The following DCHS2 variants were observed in gnomAD, a reference collection of about 807,000 sequenced individuals.
The protein encoded by DCHS2 is protocadherin-23.
A neutral mutation model predicts 182.4 loss-of-function variants in DCHS2; 142 were observed. That is an observed-to-expected ratio of 0.78 (90% CI 0.68 to 0.89). DCHS2 has a LOEUF of 0.89. Ranked by LOEUF, DCHS2 falls within the 40% of genes least tolerant of loss-of-function variation. The pLI, the probability that DCHS2 is intolerant of heterozygous loss-of-function variation, is 0.00. For synonymous variants in DCHS2, 1,740 were observed against 1,663.3 expected (o/e 1.05, Z -1.12); for missense variants, 4,319 against 4,198.6 (o/e 1.03, Z -0.79).
chr4:154,298,647 A>G lies in DCHS2; in HGVS notation c.5667T>C (p.Arg1889=), dbSNP rs771229590. 2 of 1,613,598 alleles carry G rather than the reference A, an allele frequency of 1.2e-6. No individual in the cohort carries two copies. Among genetic ancestry groups the G allele is most frequent in the East Asian group, 2.2e-5 (1 of 44,884 alleles). Residue 1889 remains arginine (R), a synonymous_variant, in exon 13 of 20, where the codon CGT becomes CGC. Coordinates refer to ENST00000357232, the MANE Select transcript of DCHS2 (RefSeq NM_001358235.2). ...TGCTGATTTGCTCCCGGTCCAAAGC[A>G]CGAGTGGTTGAGAGTTCTCCTGACA... The part of the protein sequence containing the change: ...NEMSGELSTT[R]ALDREQISNF...
chr4:154,401,907 T>A (rs1732199758), intron 1 of DCHS2, among the ~76,000 whole-genome samples: 1 of 152,168 alleles, frequency 6.6e-6, no homozygotes. Flanking sequence ...GGCAAGAGAA[T>A]CGCTTGAACC....
intron 3 of DCHS2, among the ~76,000 whole-genome samples, chr4:154,359,013 C>T (rs183721294): frequency 6.6e-6 from 1 of 151,698 alleles, no homozygotes; most frequent in African/African-American, 2.4e-5. Context: ...ATATATTGGT[C>T]AGAGTAAAAT....
Position 154,236,223 on chromosome 4 carries a change from G to A in DCHS2, c.8429C>T (p.Ser2810Leu). Residue 2810 changes from serine to leucine, a missense_variant, in exon 20 of 20, where the codon TCA becomes TTA. Coordinates refer to ENST00000357232, the MANE Select transcript of DCHS2 (RefSeq NM_001358235.2). ...CATTCCATGAGTGAGAAAACAGGGT[G>A]ATACAATAGAATAGGTCAATTCTCC... ...PYGELTYSIVSPCFLTHGMSY... is the reference protein window; with the variant it reads ...PYGELTYSIVLPCFLTHGMSY... 1 of 1,613,944 alleles carries A rather than the reference G, an allele frequency of 6.2e-7. No individual in the cohort carries two copies. Among genetic ancestry groups the A allele is most frequent in the Non-Finnish European group, 8.5e-7 (1 of 1,179,940 alleles).
intron 7 of DCHS2, chr4:154,323,401 C>G: frequency 1.3e-6 from 2 of 1,530,916 alleles, no homozygotes; most frequent in Non-Finnish European, 1.8e-6. Context: ...GCCATGATAG[C>G]TCACTGCAGC....
chr4:154,337,677 C>T (rs1427391696), intron 3 of DCHS2, among the ~76,000 whole-genome samples: 9 of 152,062 alleles, frequency 5.9e-5, no homozygotes, highest in Non-Finnish European at 1.2e-4. Context: ...ATTGCTGCGT[C>T]CTCTTCCCAG....
rs1299156184 is a variant in DCHS2 at position 154,264,783 on chromosome 4, GA to G, written c.6578-5028del. 2.0e-5 allele frequency among the ~76,000 whole-genome samples: 3 copies of G among 151,976 alleles called. No individual in the cohort carries two copies. In the East Asian group the frequency reaches 5.8e-4, roughly 29 times the overall value. ...CTCACTAAAGGAGATAGTTCAAGCAGAAAAAAATAATACTAGAAGAAAGGCT... is the reference window on the plus strand; with the variant it reads ...CTCACTAAAGGAGATAGTTCAAGCAGAAAAAATAATACTAGAAGAAAGGCT... On this transcript the variant is annotated intron_variant, in intron 14 of 19. Transcript: ENST00000357232.
At chr4:154,340,077 G>C (rs1004881404) in intron 3 of DCHS2, among the ~76,000 whole-genome samples, 1 of 151,776 alleles carries the variant, frequency 6.6e-6, no homozygotes, top group African/African-American at 2.4e-5. Flanking sequence ...AGATATGTTT[G>C]GTTATTATTT....
At chr4:154,414,051 A>G (rs2110897580) in intron 1 of DCHS2, among the ~76,000 whole-genome samples, 1 of 152,246 alleles carries the variant, frequency 6.6e-6, no homozygotes, top group East Asian at 1.9e-4. Context: ...CTACAAAAAA[A>G]TAACAATAAA....
chr4:154,335,688 C>CACAT, intron 3 of DCHS2, among the ~76,000 whole-genome samples: 1 of 152,192 alleles, frequency 6.6e-6, no homozygotes, highest in South Asian at 2.1e-4. Flanking sequence ...CACACACACA[C>CACAT]ACATACATCC....
chr4:154,384,351 C>T, intron 1 of DCHS2: 1 of 1,610,722 alleles, frequency 6.2e-7, no homozygotes, highest in South Asian at 1.1e-5. Flanking sequence ...CCTCATGCAC[C>T]ACCTGACTGA....
chr4:154,240,453 A>G (rs1731756016), intron 18 of DCHS2, 84 bp downstream of exon 18: 1 of 1,476,454 alleles, frequency 6.8e-7, no homozygotes, highest in Non-Finnish European at 9.1e-7. Context: ...TATCTGAATT[A>G]GTCTATCGGC....
At chr4:154,346,140 T>A (rs2130713) in intron 3 of DCHS2, among the ~76,000 whole-genome samples, 151,604 of 152,346 alleles carry the variant, frequency 1, 75,434 homozygotes, top group Middle Eastern at 1. Context: ...CAAAGACCCT[T>A]TCTCCTAATT....
chr4:154,405,408 TC>T (rs960920400), intron 1 of DCHS2, among the ~76,000 whole-genome samples: 11 of 151,348 alleles, frequency 7.3e-5, no homozygotes, highest in African/African-American at 2.4e-4. Context: ...TGATTTTTTT[TC>T]CCAAATTTGG....
At chr4:154,403,244 T>C (rs1240183352) in intron 1 of DCHS2, among the ~76,000 whole-genome samples, 2 of 152,320 alleles carry the variant, frequency 1.3e-5, no homozygotes, top group East Asian at 1.9e-4. Flanking sequence ...TTTTTCCTAA[T>C]CTTAGGAGGA....
intron 8 of DCHS2, 136 bp downstream of exon 8, chr4:154,322,195 C>T (rs997245227): frequency 1.6e-6 from 2 of 1,272,400 alleles, no homozygotes; most frequent in African/African-American, 3.0e-5. Context: ...GTGCAATGCT[C>T]TCAAAATAGT....
intron 3 of DCHS2, among the ~76,000 whole-genome samples, chr4:154,354,172 T>C (rs6844979): frequency 0.86 from 131,411 of 152,274 alleles, 56,764 homozygotes; most frequent in South Asian, 0.93. Context: ...GCCATCCACC[T>C]GCCTCAGCCT....
chr4:154,314,263 C>G (rs944491843), intron 10 of DCHS2, among the ~76,000 whole-genome samples: 1 of 152,148 alleles, frequency 6.6e-6, no homozygotes, highest in Non-Finnish European at 1.5e-5. Flanking sequence ...CTGTATTGCT[C>G]TGTTTCTACA....
At chr4:154,250,680 A>G (rs1166840621) in intron 16 of DCHS2, among the ~76,000 whole-genome samples, 1 of 152,170 alleles carries the variant, frequency 6.6e-6, no homozygotes, top group Admixed American at 6.5e-5. Context: ...ATATTTTAGT[A>G]TGTATCTTCC....
At position 154,378,447 on chromosome 4, in the gene DCHS2, GGGAA is replaced by G. The variant is rs201958929; in HGVS notation, c.2053-1007_2053-1004del. On this transcript the variant is annotated intron_variant, in intron 1 of 19. Coordinates refer to ENST00000357232, the MANE Select transcript of DCHS2 (RefSeq NM_001358235.2). ...AAAGAAAGAGAGGAAAAGAGGAGGA[GGGAA>G]GGAAGGAAGGGAGGAAGGAAGGAAA... Among the ~76,000 whole-genome samples the G allele has an allele frequency of 4.6e-3, 637 of 139,020 alleles. 2 individuals are homozygous for G. Among genetic ancestry groups the G allele is most frequent in the Middle Eastern group, 0.032 (8 of 252 alleles). 91.2% of individuals were successfully genotyped at this position (139,020 alleles called of 152,430 possible).
Sources: gnomAD v4.1 joint callset for allele counts (sites outside exome capture counted in the v4.1 genomes callset) on GRCh38, gnomAD v4.1.1 for gene constraint, MANE v1.5 for transcripts, NCBI Gene and HGNC (gene_info 2026-07-23, HGNC 2026-07-21) for gene names.